Variants in ATAD3B observed in about 807,000 individuals in gnomAD.
ATAD3B encodes the protein ATPase family AAA domain containing 3B.
ATAD3B carries 59 observed loss-of-function variants against 70.2 expected under a neutral mutation model. The observed-to-expected ratio is 0.84, with a 90% CI of 0.68 to 1.04. The LOEUF (loss-of-function observed/expected upper bound fraction) is 1.04. Ranked by LOEUF, ATAD3B falls within the 50% of genes least tolerant of loss-of-function variation. The probability of loss-of-function intolerance (pLI) is 0.00; values close to 1 mark genes in which losing one functional copy is unlikely to be tolerated. For missense variants in ATAD3B, 961 were observed against 913.4 expected (o/e 1.05, Z -0.67); for synonymous variants, 423 against 388.6 (o/e 1.09, Z -1.04).
In ATAD3B at chr1:1,489,427, G is replaced by A. The variant is rs979223637; in HGVS notation, c.1337+153G>A. On this transcript the variant is annotated intron_variant, in intron 13 of 15. Transcript: ENST00000673477. ...GTCCCCTGGGAACGGCCCAGCTCGG[G>A]ACAGCACGGGGTGTCATTGAGGAAC... 7.4e-6 allele frequency: 10 copies of A among 1,358,268 alleles called. No homozygotes were observed. The Admixed American group carries it at 2.1e-4, about 28-fold the overall frequency. 84.1% of individuals were successfully genotyped at this position (1,358,268 alleles called of 1,614,324 possible).
In ATAD3B at chr1:1,482,320, C is replaced by T. The variant is rs917794571; in HGVS notation, c.680+17C>T. 6 of 1,554,698 alleles carry T rather than the reference C, an allele frequency of 3.9e-6. No homozygotes were observed. Among genetic ancestry groups the T allele is most frequent in the Non-Finnish European group, 5.2e-6 (6 of 1,157,328 alleles). ...GTCCATCAGGTGAGCACTGCCCAGG[C>T]CCGGGCCGGCCACAGATGGAGCCCC... is the stretch of plus-strand genomic sequence containing the variant. On this transcript the variant is annotated intron_variant, in intron 6 of 15. Transcript: ENST00000673477.
At position 1,485,127 on chromosome 1, in the gene ATAD3B, A is replaced by G. The variant is rs1453633672; in HGVS notation, c.862A>G (p.Thr288Ala). The G allele has an allele frequency of 1.2e-6, 2 of 1,610,498 alleles. 1 individual carries two copies. The highest frequency in any genetic ancestry group is 3.3e-5 in the Admixed American group (2 of 59,914). Reference sequence around the variant, plus strand: ...GGGGAAGCCGTCCCTAGTGAGGGAGACGTCCCGCATCACGGTGCTGGAGGC... The same window carrying G: ...GGGGAAGCCGTCCCTAGTGAGGGAGGCGTCCCGCATCACGGTGCTGGAGGC... The part of the protein sequence containing the change: ...RLGKPSLVRE[T>A]SRITVLEALR... Residue 288 changes from threonine to alanine, a missense_variant, in exon 8 of 16, where the codon ACG (threonine) becomes GCG (alanine). This residue lies in a region of ATAD3B where 349 missense variants were observed against 307.5 expected (regional missense o/e 1.14). Coordinates refer to ENST00000673477, the MANE Select transcript of ATAD3B (RefSeq NM_031921.6).
rs79205801 is a variant in ATAD3B at position 1,495,695 on chromosome 1, G to A, written c.1825G>A (p.Gly609Ser). The A allele has an allele frequency of 1.9e-3, 3,024 of 1,613,106 alleles. 68 individuals carry two copies. In the African/African-American group the frequency reaches 0.036, roughly 19 times the overall value. ...GGACCCCTCCTACCCCTGCCTTGCC[G>A]GCCCCTGCACATTTAGGATATGCTC... ...ATDPSYPCLAGPCTFRICSWM... is the reference protein window; with the variant it reads ...ATDPSYPCLASPCTFRICSWM... Residue 609 changes from glycine (G) to serine (S), a missense_variant, in exon 16 of 16, where the codon GGC (glycine) becomes AGC (serine). By Grantham distance (56) the Gly-to-Ser change is moderately conservative. Around this residue, in one of 4 missense-constraint regions of ATAD3B, gnomAD observed 417 missense variants for 335.0 expected, o/e 1.24. Transcript: ENST00000673477.
downstream of ATAD3B, chr1:1,497,870 A>AAAAG: frequency 6.7e-6 from 1 of 150,238 alleles, no homozygotes; most frequent in African/African-American, 2.5e-5. Context: ...AAAAAAAAAA[A>AAAAG]AAAGCCCTGA....
At chr1:1,492,969 G>C (rs1213315824) in intron 15 of ATAD3B, among the ~76,000 whole-genome samples, 2 of 151,438 alleles carry the variant, frequency 1.3e-5, no homozygotes, top group Non-Finnish European at 2.9e-5. Context: ...AAATTAACCT[G>C]GTGTGGTAGC....
At chr1:1,503,954 TTTGCATTGCA>T in the ATAD3B span, among the ~76,000 whole-genome samples, 718 of 152,158 alleles carry the variant, frequency 4.7e-3, 3 homozygotes, top group South Asian at 9.5e-3. Flanking sequence ...CAGAATTTTT[TTTGCATTGCA>T]TTGCATTGCA....
downstream of ATAD3B, among the ~76,000 whole-genome samples, chr1:1,499,861 C>T (rs185139241): frequency 2.2e-3 from 299 of 137,664 alleles, 1 homozygote; most frequent in East Asian, 8.0e-3. Context: ...CCCGAAGTGC[C>T]GGGATTACAG....
At chr1:1,489,497 C>T (rs1241418385) in intron 13 of ATAD3B, 7 of 998,640 alleles carry the variant, frequency 7.0e-6, no homozygotes, top group South Asian at 3.4e-5. Context: ...CCTGTCTTCA[C>T]GGCCCTGTGC....
chr1:1,494,748 G>A (rs1418405443), intron 15 of ATAD3B, among the ~76,000 whole-genome samples: 1 of 148,872 alleles, frequency 6.7e-6, no homozygotes, highest in Non-Finnish European at 1.5e-5. Flanking sequence ...GACCCACTCA[G>A]CTGTCCAGGA....
At position 1,486,055 on chromosome 1, in the gene ATAD3B, C is replaced by A. The variant is rs1048262627; in HGVS notation, c.964-55C>A. 21 of 1,611,084 alleles carry A rather than the reference C, an allele frequency of 1.3e-5. No homozygotes were observed. The East Asian group carries it at 1.8e-4, about 14-fold the overall frequency. On this transcript the variant is annotated intron_variant, in intron 9 of 15. Transcript: ENST00000673477. ...CCGGGCATTCCCGCAGCCCCTGTCA[C>A]CGAGGCTTCCGTGGGTGCAGAGTGT...
chr1:1,486,036 A>T lies in ATAD3B; in HGVS notation c.964-74A>T, dbSNP rs1390591259. 7 of 1,607,660 alleles carry T rather than the reference A, an allele frequency of 4.4e-6. No individual in the cohort carries two copies. In the Admixed American group the frequency reaches 5.0e-5, roughly 12 times the overall value. On this transcript the variant is annotated intron_variant, in intron 9 of 15. Transcript: ENST00000673477. ...TGAGGAGCAGAGTCCGCACCCGGGC[A>T]TTCCCGCAGCCCCTGTCACCGAGGC...
At chr1:1,476,422 C>T (rs1639591405) in intron 1 of ATAD3B, among the ~76,000 whole-genome samples, 1 of 151,572 alleles carries the variant, frequency 6.6e-6, no homozygotes, top group Non-Finnish European at 1.5e-5. Flanking sequence ...AAAAGTGAGA[C>T]GGGCTGCGGG....
rs757361831 is a variant in ATAD3B, at chr1:1,486,171, G to A, written c.1025G>A (p.Arg342Gln). 1.8e-5 allele frequency: 29 copies of A among 1,613,114 alleles called. No individual in the cohort carries two copies. The highest frequency in any genetic ancestry group is 2.7e-5 in the African/African-American group (2 of 74,876). The change falls in exon 10 of 16, where the codon CGG becomes CAG. Residue 342 changes from arginine (R) to glutamine (Q), a missense_variant. Arg to Gln is a conservative substitution (Grantham distance 43). Around this residue, in one of 4 missense-constraint regions of ATAD3B, gnomAD observed 349 missense variants for 307.5 expected, o/e 1.14. Coordinates refer to ENST00000673477, the MANE Select transcript of ATAD3B (RefSeq NM_031921.6). ...AIATRNTKKN[R>Q]GLYRHILLYG... ...GCAACCAGGAACACCAAGAAGAACCGGGGCCTGTACAGGCACATCCTGCTG... is the reference window on the plus strand; with the variant it reads ...GCAACCAGGAACACCAAGAAGAACCAGGGCCTGTACAGGCACATCCTGCTG...
In ATAD3B at chr1:1,482,594, C is replaced by A. The variant is rs3979437; in HGVS notation, c.730C>A (p.Arg244=). 6 of 1,613,122 alleles carry A rather than the reference C, an allele frequency of 3.7e-6. No homozygotes were observed. In the African/African-American group the frequency reaches 6.7e-5, roughly 18 times the overall value. Residue 244 remains arginine (R), a synonymous_variant, in exon 7 of 16, where the codon CGG becomes AGG. Coordinates refer to ENST00000673477, the MANE Select transcript of ATAD3B (RefSeq NM_031921.6). ...GEGFRAFVTD[R]DKVTATVAGL... ...AGGATTCCGTGCCTTTGTGACAGAC[C>A]GGGACAAAGTGACAGCCACGGTAAA... is the stretch of plus-strand genomic sequence containing the variant.
At chr1:1,500,572 T>C (rs941034819), downstream of ATAD3B, among the ~76,000 whole-genome samples, 2 of 149,624 alleles carry the variant, frequency 1.3e-5, no homozygotes, top group African/African-American at 4.9e-5. Context: ...AAAAAAATTA[T>C]CCTGTGCTAT....
At chr1:1,474,762 A>G (rs552414227) in intron 1 of ATAD3B, among the ~76,000 whole-genome samples, 2 of 151,980 alleles carry the variant, frequency 1.3e-5, no homozygotes, top group South Asian at 2.1e-4. Flanking sequence ...CGGCCTCCCA[A>G]AGCGCTGGGA....
At chr1:1,481,003 C>G in intron 5 of ATAD3B, 67 bp downstream of exon 5, 3 of 1,569,328 alleles carry the variant, frequency 1.9e-6, no homozygotes, top group South Asian at 2.3e-5. Flanking sequence ...GGCGTGCACT[C>G]TGAGCCTGAG....
intron 4 of ATAD3B, among the ~76,000 whole-genome samples, chr1:1,480,203 CACACCCCCGCACCCAT>C (rs1369113874): frequency 9.2e-6 from 1 of 109,170 alleles, no homozygotes; most frequent in Non-Finnish European, 2.0e-5. Flanking sequence ...CCCACCCCCA[CACACCCCCGCACCCAT>C]GGGCACACAC....
At chr1:1,479,495 C>T (rs1233007558) in intron 4 of ATAD3B, among the ~76,000 whole-genome samples, 14 of 143,016 alleles carry the variant, frequency 9.8e-5, no homozygotes, top group Non-Finnish European at 1.5e-4. Context: ...CACACCCCTA[C>T]ACAGGGGCAT....
Sources: gnomAD v4.1 joint callset for allele counts (sites outside exome capture counted in the v4.1 genomes callset) on GRCh38, gnomAD v4.1.1 for gene constraint, gnomAD v4.1.1 regional missense constraint, MANE v1.5 for transcripts, NCBI Gene and HGNC (gene_info 2026-07-23, HGNC 2026-07-21) for gene names.